The following FGGY variants were observed in gnomAD, a reference collection of about 807,000 sequenced individuals.
The protein encoded by FGGY is FGGY carbohydrate kinase domain-containing protein.
Under a neutral mutation model 71.3 loss-of-function variants are expected in FGGY, and 72 were observed. The observed-to-expected ratio is 1.01, with a 90% confidence interval of 0.84 to 1.23. The LOEUF (loss-of-function observed/expected upper bound fraction) is 1.23. FGGY is among the 50% of genes most tolerant of loss of function. FGGY has a pLI of 0.00. For synonymous variants in FGGY, 251 were observed against 250.3 expected, an observed-to-expected ratio of 1.00 and a Z score of -0.02; for missense variants, 668 against 682.3, an observed-to-expected ratio of 0.98 and a Z score of 0.23.
intron 11 of FGGY, among the ~76,000 whole-genome samples, chr1:59,656,930 A>C (rs2097223446): frequency 6.6e-6 from 1 of 152,202 alleles, no homozygotes; most frequent in Non-Finnish European, 1.5e-5. Context: ...TTCTGGGGAA[A>C]AAAATTATCC....
At chr1:59,386,725 T>C (rs2060116083) in intron 5 of FGGY, among the ~76,000 whole-genome samples, 1 of 152,180 alleles carries the variant, frequency 6.6e-6, no homozygotes, top group African/African-American at 2.4e-5. Flanking sequence ...TGAACTAAAA[T>C]AAATTATTTA....
At chr1:59,733,455 T>C (rs1193403941) in intron 14 of FGGY, among the ~76,000 whole-genome samples, 1 of 118,882 alleles carries the variant, frequency 8.4e-6, no homozygotes, top group African/African-American at 3.0e-5. Flanking sequence ...TGTTTTGTTT[T>C]GTTTTGTTTT....
chr1:59,715,770 A>G (rs2097841785), intron 14 of FGGY, among the ~76,000 whole-genome samples: 1 of 152,230 alleles, frequency 6.6e-6, no homozygotes, highest in African/African-American at 2.4e-5. Flanking sequence ...AGCACAGTCT[A>G]TGTTAACTTT....
At position 59,610,700 on chromosome 1, in the gene FGGY, G is replaced by A. The variant is rs546948091; in HGVS notation, c.1011+2790G>A. ...GGGTGCAGCCCACAGACCGTGAGCCGAAGCAGGGCGAGGCATCGCCTCACC... is the reference window on the plus strand; with the variant it reads ...GGGTGCAGCCCACAGACCGTGAGCCAAAGCAGGGCGAGGCATCGCCTCACC... On this transcript the variant is annotated intron_variant, in intron 9 of 15. Transcript: ENST00000303721. Among the ~76,000 whole-genome samples the A allele has an allele frequency of 2.7e-3, 407 of 152,336 alleles. 5 individuals carry two copies. The highest frequency in any genetic ancestry group is 1.4e-3 in the Non-Finnish European group (93 of 68,022).
At chr1:59,467,289 G>A (rs1278819381) in intron 6 of FGGY, among the ~76,000 whole-genome samples, 2 of 152,076 alleles carry the variant, frequency 1.3e-5, no homozygotes, top group African/African-American at 4.8e-5. Flanking sequence ...CTCATAGGTG[G>A]GAATTGAACG....
At chr1:59,742,326 G>A (rs2098157566) in intron 14 of FGGY, among the ~76,000 whole-genome samples, 1 of 152,136 alleles carries the variant, frequency 6.6e-6, no homozygotes, top group South Asian at 2.1e-4. Context: ...GAGCCCAAAG[G>A]GCTTTTCAAC....
intron 8 of FGGY, among the ~76,000 whole-genome samples, chr1:59,594,362 T>C (rs1179267081): frequency 6.6e-6 from 1 of 152,256 alleles, no homozygotes; most frequent in Non-Finnish European, 1.5e-5. Context: ...GAAGGCAGTA[T>C]GTAGGGTTTG....
chr1:59,489,876 T>C (rs1281025086), intron 6 of FGGY, among the ~76,000 whole-genome samples: 1 of 152,172 alleles, frequency 6.6e-6, no homozygotes, highest in Admixed American at 6.5e-5. Flanking sequence ...ACCAGCATGT[T>C]AATTTTTTGT....
At chr1:59,700,336 T>TG (rs1200666027) in intron 14 of FGGY, among the ~76,000 whole-genome samples, 1 of 152,222 alleles carries the variant, frequency 6.6e-6, no homozygotes, top group East Asian at 1.9e-4. Context: ...AGTTTATTGA[T>TG]GTTTTTTATA....
At chr1:59,626,621 G>T (rs2096858992) in intron 10 of FGGY, 1 of 152,350 alleles carries the variant, frequency 6.6e-6, no homozygotes, top group Admixed American at 6.5e-5. Flanking sequence ...ACCTTGGGAG[G>T]CCGAGGCGGG....
At chr1:59,725,872 GTTTTC>G (rs991182786) in intron 14 of FGGY, among the ~76,000 whole-genome samples, 2 of 151,046 alleles carry the variant, frequency 1.3e-5, no homozygotes, top group Non-Finnish European at 3.0e-5. Context: ...AATAAAGACA[GTTTTC>G]TTTCTTTCTT....
intron 14 of FGGY, among the ~76,000 whole-genome samples, chr1:59,702,674 CTT>C (rs1301283592): frequency 6.6e-6 from 1 of 152,150 alleles, no homozygotes; most frequent in East Asian, 1.9e-4. Flanking sequence ...GTACTACTCT[CTT>C]GTGTGACATT....
chr1:59,413,012 A>G (rs1253670600), intron 5 of FGGY, among the ~76,000 whole-genome samples: 1 of 152,210 alleles, frequency 6.6e-6, no homozygotes, highest in Non-Finnish European at 1.5e-5. Flanking sequence ...ATGATTCTTC[A>G]GATTGTGCCA....
intron 7 of FGGY, among the ~76,000 whole-genome samples, chr1:59,518,636 T>C (rs1355330111): frequency 6.6e-6 from 1 of 152,192 alleles, no homozygotes; most frequent in Admixed American, 6.5e-5. Context: ...ATGAGTTCCC[T>C]TCAGATCTGG....
chr1:59,485,904 T>C (rs1351633346), intron 6 of FGGY, among the ~76,000 whole-genome samples: 1 of 152,164 alleles, frequency 6.6e-6, no homozygotes, highest in Non-Finnish European at 1.5e-5. Flanking sequence ...TCAGTCTATC[T>C]CTTAAACTTT....
intron 2 of FGGY, among the ~76,000 whole-genome samples, chr1:59,322,973 T>G (rs926552030): frequency 6.6e-6 from 1 of 152,180 alleles, no homozygotes; most frequent in Non-Finnish European, 1.5e-5. Flanking sequence ...GTTTAAACTT[T>G]AATGAATTCT....
At chr1:59,739,960 T>C (rs949690225) in intron 14 of FGGY, among the ~76,000 whole-genome samples, 1 of 152,152 alleles carries the variant, frequency 6.6e-6, no homozygotes, top group Non-Finnish European at 1.5e-5. Flanking sequence ...CCCCCAGCGC[T>C]CTCCTTGCTG....
At chr1:59,367,852 G>GAGT (rs1393757031) in intron 4 of FGGY, among the ~76,000 whole-genome samples, 1 of 152,126 alleles carries the variant, frequency 6.6e-6, no homozygotes, top group Non-Finnish European at 1.5e-5. Flanking sequence ...TGTGAGCTTT[G>GAGT]AGTAGTAGCC....
chr1:59,302,444 TGTG>T (rs1282051907), intron 1 of FGGY, among the ~76,000 whole-genome samples: 5 of 152,114 alleles, frequency 3.3e-5, no homozygotes, highest in Non-Finnish European at 7.3e-5. Context: ...ATAAAGAAAA[TGTG>T]GTACATATGC....
Sources: gnomAD v4.1 joint callset for allele counts (sites outside exome capture counted in the v4.1 genomes callset) on GRCh38, gnomAD v4.1.1 for gene constraint, MANE v1.5 for transcripts, NCBI Gene and HGNC (gene_info 2026-07-23, HGNC 2026-07-21) for gene names.